SEMA5A: variants seen among roughly 807,000 people sequenced by gnomAD.
The protein encoded by SEMA5A is semaphorin-5A.
In SEMA5A, 55 loss-of-function variants were observed where a neutral mutation model predicts 135.5. That is an observed-to-expected ratio of 0.41 (90% confidence interval 0.33 to 0.51). The LOEUF (loss-of-function observed/expected upper bound fraction) is 0.51. Ranked by LOEUF, SEMA5A falls within the 20% of genes least tolerant of loss-of-function variation. SEMA5A has a pLI of 0.37. For synonymous variants in SEMA5A, 580 were observed against 546.5 expected (o/e 1.06, Z -0.85); for missense variants, 1,290 against 1,419.9 (o/e 0.91, Z 1.47).
In SEMA5A at chr5:9,327,995, AT is replaced by A. The variant is rs1250279805; in HGVS notation, c.225-9579del. ...TATTCATGCTTTAAATTATCTCCAT[AT>A]ACAATTAATTTTCTAGGTTATCTTC... On this transcript the variant is annotated intron_variant, in intron 4 of 22. Coordinates refer to ENST00000382496, the MANE Select transcript of SEMA5A (RefSeq NM_003966.3). Among the ~76,000 whole-genome samples, 16 of 152,252 alleles carry A rather than the reference AT, an allele frequency of 1.1e-4. No individual in the cohort carries two copies. The East Asian group carries it at 3.1e-3, about 29-fold the overall frequency.
intron 8 of SEMA5A, among the ~76,000 whole-genome samples, chr5:9,212,266 T>C (rs1806038): frequency 0.021 from 3,141 of 152,342 alleles, 89 homozygotes; most frequent in African/African-American, 0.069. Flanking sequence ...GCAAGTTTTA[T>C]TGCTTTTCTA....
intron 5 of SEMA5A, among the ~76,000 whole-genome samples, chr5:9,274,840 A>G (rs1034430192): frequency 1.3e-5 from 2 of 152,198 alleles, no homozygotes; most frequent in African/African-American, 4.8e-5. Flanking sequence ...CAGTGGGTAG[A>G]GGGAAATTTA....
At chr5:9,120,343 G>T (rs1007428493) in intron 14 of SEMA5A, among the ~76,000 whole-genome samples, 1 of 151,892 alleles carries the variant, frequency 6.6e-6, no homozygotes, top group African/African-American at 2.4e-5. Context: ...TAAATAATAT[G>T]TTGAATATAT....
At chr5:9,508,481 T>G (rs1736028637) in intron 1 of SEMA5A, among the ~76,000 whole-genome samples, 1 of 152,214 alleles carries the variant, frequency 6.6e-6, no homozygotes, top group African/African-American at 2.4e-5. Flanking sequence ...AAAATTCCCA[T>G]CAATGCATAC....
chr5:9,511,018 C>T (rs944766830), intron 1 of SEMA5A, among the ~76,000 whole-genome samples: 6 of 152,096 alleles, frequency 3.9e-5, no homozygotes, highest in African/African-American at 1.4e-4. Flanking sequence ...CATCTGTGGC[C>T]GTGAGTATCA....
At chr5:9,290,136 T>G (rs1243479403) in intron 5 of SEMA5A, among the ~76,000 whole-genome samples, 2 of 152,176 alleles carry the variant, frequency 1.3e-5, no homozygotes, top group Non-Finnish European at 2.9e-5. Context: ...TTTCTGAGAT[T>G]TTGGGGGCAC....
At chr5:9,533,826 G>A (rs1429565834) in intron 1 of SEMA5A, among the ~76,000 whole-genome samples, 1 of 152,134 alleles carries the variant, frequency 6.6e-6, no homozygotes, top group Non-Finnish European at 1.5e-5. Flanking sequence ...ACATAGGAAA[G>A]ACACAAAAGA....
chr5:9,129,268 C>T (rs1741277299), intron 13 of SEMA5A, among the ~76,000 whole-genome samples: 2 of 152,246 alleles, frequency 1.3e-5, no homozygotes, highest in African/African-American at 4.8e-5. Context: ...GGGCAAATCA[C>T]AGTGAGAACA....
At chr5:9,526,023 G>T (rs992114225) in intron 1 of SEMA5A, among the ~76,000 whole-genome samples, 1 of 152,120 alleles carries the variant, frequency 6.6e-6, no homozygotes, top group Admixed American at 6.6e-5. Flanking sequence ...TCTAGAGTTG[G>T]GAATCCCTTT....
At chr5:9,066,085 G>T (rs917525717) in intron 17 of SEMA5A, among the ~76,000 whole-genome samples, 1 of 152,276 alleles carries the variant, frequency 6.6e-6, no homozygotes, top group Non-Finnish European at 1.5e-5. Flanking sequence ...TTACATTTTA[G>T]TGCCAGAAGA....
chr5:9,332,292 T>C (rs1040179403), intron 4 of SEMA5A, among the ~76,000 whole-genome samples: 1 of 150,314 alleles, frequency 6.7e-6, no homozygotes, highest in Non-Finnish European at 1.5e-5. Flanking sequence ...TGTGCAACTA[T>C]GGGCTGCTAC....
intron 10 of SEMA5A, among the ~76,000 whole-genome samples, chr5:9,192,293 G>A (rs1745154153): frequency 6.6e-6 from 1 of 152,268 alleles, no homozygotes; most frequent in South Asian, 2.1e-4. Flanking sequence ...CGGTGGCTAG[G>A]AAAATAGTTA....
chr5:9,094,119 T>A (rs1163182578), intron 16 of SEMA5A, among the ~76,000 whole-genome samples: 13 of 152,202 alleles, frequency 8.5e-5, no homozygotes, highest in Admixed American at 8.5e-4. Context: ...AGGAGGCTCC[T>A]TGAGAAAGTT....
intron 18 of SEMA5A, among the ~76,000 whole-genome samples, chr5:9,062,522 G>A (rs956664021): frequency 2.6e-5 from 4 of 152,162 alleles, no homozygotes; most frequent in Non-Finnish European, 5.9e-5. Context: ...GTGGAGTGCA[G>A]TGGCCTGATG....
chr5:9,408,062 CCACCA>C (rs1159271679), intron 2 of SEMA5A, among the ~76,000 whole-genome samples: 1 of 151,808 alleles, frequency 6.6e-6, no homozygotes, highest in Admixed American at 6.6e-5. Context: ...ATCACCACTA[CCACCA>C]CACCACACCA....
intron 8 of SEMA5A, among the ~76,000 whole-genome samples, chr5:9,220,347 T>C (rs1358452499): frequency 6.6e-6 from 1 of 151,834 alleles, no homozygotes; most frequent in African/African-American, 2.4e-5. Context: ...CCCCAGAAAT[T>C]ATTGGAATAG....
chr5:9,100,068 CAGAAAGT>C (rs1370045601), intron 16 of SEMA5A, among the ~76,000 whole-genome samples: 1 of 152,204 alleles, frequency 6.6e-6, no homozygotes, highest in Non-Finnish European at 1.5e-5. Context: ...ATATGCCTGG[CAGAAAGT>C]GGAGTGCCAT....
intron 16 of SEMA5A, among the ~76,000 whole-genome samples, chr5:9,073,683 T>C (rs1737890606): frequency 6.6e-6 from 1 of 152,098 alleles, no homozygotes; most frequent in Non-Finnish European, 1.5e-5. Flanking sequence ...TCTCATACAA[T>C]ATGATTGTCT....
intron 15 of SEMA5A, among the ~76,000 whole-genome samples, chr5:9,108,837 T>A (rs960872525): frequency 6.6e-6 from 1 of 152,110 alleles, no homozygotes; most frequent in Non-Finnish European, 1.5e-5. Context: ...ATTTGTAGGC[T>A]CTCAGAAGAA....
Sources: allele counts gnomAD v4.1 joint callset (sites outside exome capture counted in the v4.1 genomes callset), GRCh38; gene constraint gnomAD v4.1.1; transcripts MANE v1.5; gene names NCBI Gene and HGNC (gene_info 2026-07-23, HGNC 2026-07-21).